Variants in DPP6 observed in about 807,000 individuals in gnomAD.
DPP6 encodes A-type potassium channel modulatory protein DPP6.
DPP6 carries 69 observed loss-of-function variants against 122.6 expected under a neutral mutation model. That is an observed-to-expected ratio of 0.56 (90% CI 0.46 to 0.69). The LOEUF (loss-of-function observed/expected upper bound fraction) is 0.69. Ranked by LOEUF, DPP6 falls within the 30% of genes least tolerant of loss-of-function variation. The pLI, the probability that DPP6 is intolerant of heterozygous loss-of-function variation, is 0.00. For synonymous variants in DPP6, 418 were observed against 433.1 expected (o/e 0.97, Z 0.43); for missense variants, 928 against 1,116.9 (o/e 0.83, Z 2.41).
At chr7:153,950,104 A>G (rs534851269) in intron 1 of DPP6, among the ~76,000 whole-genome samples, 1 of 152,334 alleles carries the variant, frequency 6.6e-6, no homozygotes, top group South Asian at 2.1e-4. Flanking sequence ...CAGAGGGATC[A>G]TTAGGCTCAG....
chr7:154,660,634 A>G (rs1367630736), intron 6 of DPP6, among the ~76,000 whole-genome samples: 3 of 132,670 alleles, frequency 2.3e-5, no homozygotes, highest in Non-Finnish European at 4.8e-5. Context: ...TAGTGTTCAT[A>G]TACTCATGGT....
intron 1 of DPP6, among the ~76,000 whole-genome samples, chr7:154,396,568 G>C (rs1815107239): frequency 1.3e-5 from 2 of 152,204 alleles, no homozygotes; most frequent in Admixed American, 1.3e-4. Flanking sequence ...AAGACAATCG[G>C]TGAAGGATTG....
intron 1 of DPP6, among the ~76,000 whole-genome samples, chr7:154,017,861 C>T (rs530003745): frequency 6.6e-6 from 1 of 151,936 alleles, no homozygotes; most frequent in East Asian, 1.9e-4. Flanking sequence ...TCCTTCTCTT[C>T]TTCATAAGTG....
chr7:154,511,214 T>C (rs1015303021), intron 3 of DPP6, among the ~76,000 whole-genome samples: 1 of 152,072 alleles, frequency 6.6e-6, no homozygotes, highest in South Asian at 2.1e-4. Context: ...AACATAAAAA[T>C]AACTAGGTTT....
chr7:154,512,031 A>G (rs1409000872), intron 3 of DPP6, among the ~76,000 whole-genome samples: 1 of 152,220 alleles, frequency 6.6e-6, no homozygotes, highest in Non-Finnish European at 1.5e-5. Flanking sequence ...TTGGTCTAGT[A>G]ACTAATGATA....
chr7:154,477,328 C>T (rs967058853), intron 3 of DPP6, among the ~76,000 whole-genome samples: 1 of 152,100 alleles, frequency 6.6e-6, no homozygotes, highest in East Asian at 1.9e-4. Flanking sequence ...TTCTCCTTCT[C>T]GTGGAGAGGC....
intron 1 of DPP6, among the ~76,000 whole-genome samples, chr7:154,312,845 A>G (rs1259673132): frequency 6.6e-6 from 1 of 152,236 alleles, no homozygotes; most frequent in Non-Finnish European, 1.5e-5. Context: ...GAACCAAAAA[A>G]TATTCAAAGC....
At chr7:154,808,391 G>C (rs1456071184) in intron 16 of DPP6, among the ~76,000 whole-genome samples, 1 of 152,154 alleles carries the variant, frequency 6.6e-6, no homozygotes, top group Non-Finnish European at 1.5e-5. Flanking sequence ...AGGGATGAGG[G>C]GGGTGCGACT....
intron 7 of DPP6, among the ~76,000 whole-genome samples, chr7:154,693,874 C>G (rs900270331): frequency 2.0e-5 from 3 of 152,166 alleles, no homozygotes; most frequent in African/African-American, 4.8e-5. Context: ...CAGAGGGACT[C>G]ACAGCACCCC....
intron 4 of DPP6, among the ~76,000 whole-genome samples, chr7:154,564,267 A>G (rs1473542179): frequency 6.6e-6 from 1 of 152,148 alleles, no homozygotes; most frequent in Non-Finnish European, 1.5e-5. Flanking sequence ...GGAGGAGAAA[A>G]ATGGAAGCAT....
chr7:153,857,278 C>T, the DPP6 span, among the ~76,000 whole-genome samples: 1 of 146,520 alleles, frequency 6.8e-6, no homozygotes, highest in South Asian at 2.2e-4. Context: ...TGGCCATAAC[C>T]CTAATCTATA....
At chr7:153,829,446 C>T in the DPP6 span, among the ~76,000 whole-genome samples, 1 of 152,144 alleles carries the variant, frequency 6.6e-6, no homozygotes. Flanking sequence ...CAACTTCTGA[C>T]TTCATGATCT....
At chr7:154,479,413 C>G (rs1823034497) in intron 3 of DPP6, among the ~76,000 whole-genome samples, 1 of 151,942 alleles carries the variant, frequency 6.6e-6, no homozygotes, top group African/African-American at 2.4e-5. Flanking sequence ...CAAAAATTAG[C>G]CAGGCGTGGT....
chr7:154,273,929 T>G (rs928261396), intron 1 of DPP6, among the ~76,000 whole-genome samples: 3 of 152,198 alleles, frequency 2.0e-5, no homozygotes, highest in Non-Finnish European at 2.9e-5. Flanking sequence ...CAATCATTCG[T>G]ACAGATAATC....
At chr7:154,199,267 G>GCGTCC (rs1480921032) in intron 1 of DPP6, among the ~76,000 whole-genome samples, 1 of 152,156 alleles carries the variant, frequency 6.6e-6, no homozygotes, top group African/African-American at 2.4e-5. Flanking sequence ...GTTATCCTAA[G>GCGTCC]CGTCCCTGCT....
At position 154,588,145 on chromosome 7, in the gene DPP6, G is replaced by A. The variant is rs140090305; in HGVS notation, c.627+21229G>A. On this transcript the variant is annotated intron_variant, in intron 5 of 25. Transcript: ENST00000377770. The stretch of plus-strand genomic sequence containing the variant: ...CTTCAACACTGGTGGAGAGAGACAC[G>A]CTGTCATCAGGCCCAAGAAATACTG... 2,099 of 1,553,346 alleles carry A rather than the reference G, an allele frequency of 1.4e-3. 26 individuals carry two copies. The East Asian group carries it at 0.028, about 21-fold the overall frequency.
Position 154,375,055 on chromosome 7 carries a change from C to T in DPP6, c.244-71159C>T, listed in dbSNP as rs533964947. On this transcript the variant is annotated intron_variant, in intron 1 of 25. Coordinates refer to ENST00000377770, the MANE Select transcript of DPP6 (RefSeq NM_130797.4). ...TAATGAGAGCACATGGGCTTGCAAA[C>T]CGTGAACCCATCTCAGGGACTGGAA... Among the ~76,000 whole-genome samples the T allele has an allele frequency of 7.2e-5, 11 of 152,248 alleles. No homozygotes were observed. The South Asian group carries it at 1.7e-3, about 23-fold the overall frequency.
chr7:154,111,620 CGTGTGTGTGT>C (rs71309604), intron 1 of DPP6, among the ~76,000 whole-genome samples: 7 of 135,004 alleles, frequency 5.2e-5, no homozygotes, highest in East Asian at 2.2e-4. Flanking sequence ...GGCAGGGTTT[CGTGTGTGTGT>C]GTGTGTGTGT....
At chr7:154,860,780 G>A (rs1185664052) in intron 17 of DPP6, among the ~76,000 whole-genome samples, 1 of 152,204 alleles carries the variant, frequency 6.6e-6, no homozygotes, top group Admixed American at 6.5e-5. Flanking sequence ...CACCCTGCAG[G>A]CCAACTGGGC....
Sources: allele counts gnomAD v4.1 joint callset (sites outside exome capture counted in the v4.1 genomes callset), GRCh38; gene constraint gnomAD v4.1.1; transcripts MANE v1.5; gene names NCBI Gene and HGNC (gene_info 2026-07-23, HGNC 2026-07-21).